The following ARIH1 variants were observed in gnomAD, a reference collection of about 807,000 sequenced individuals.
ARIH1 encodes the protein E3 ubiquitin-protein ligase ARIH1.
A neutral mutation model predicts 85.0 loss-of-function variants in ARIH1; 8 were observed. The observed-to-expected ratio is 0.09, with a 90% CI of 0.06 to 0.17. The LOEUF (loss-of-function observed/expected upper bound fraction) is 0.17, where lower values mean the gene tolerates loss of function less well. Among genes scored for constraint, ARIH1 ranks in the 10% least tolerant of loss-of-function variants. The pLI is 1.00. For synonymous variants in ARIH1, 238 were observed against 253.6 expected, an observed-to-expected ratio of 0.94 and a Z score of 0.59; for missense variants, 311 against 718.1, an observed-to-expected ratio of 0.43 and a Z score of 6.48.
intron 2 of ARIH1, among the ~76,000 whole-genome samples, chr15:72,543,288 C>A (rs529946185): frequency 3.7e-4 from 56 of 151,490 alleles, no homozygotes; most frequent in Non-Finnish European, 7.4e-4. Flanking sequence ...ACCTGGGCGG[C>A]AAAGGTTGCA....
intron 2 of ARIH1, among the ~76,000 whole-genome samples, chr15:72,534,815 C>T (rs1191868154): frequency 1.7e-4 from 26 of 152,018 alleles, no homozygotes; most frequent in Non-Finnish European, 1.5e-4. Flanking sequence ...CTCTGCTATT[C>T]AGGCCTCAAT....
chr15:72,572,729 A>G (rs1490960441), intron 11 of ARIH1, among the ~76,000 whole-genome samples: 2 of 152,232 alleles, frequency 1.3e-5, no homozygotes, highest in Non-Finnish European at 2.9e-5. Context: ...TCCTACCCCA[A>G]GAAGAACAGT....
intron 11 of ARIH1, among the ~76,000 whole-genome samples, chr15:72,579,916 T>TTG (rs1457651232): frequency 6.6e-6 from 1 of 152,232 alleles, no homozygotes; most frequent in African/African-American, 2.4e-5. Context: ...AATTGTTGTA[T>TTG]TGCCTTGCCT....
intron 11 of ARIH1, among the ~76,000 whole-genome samples, chr15:72,575,048 T>C (rs1050640019): frequency 6.6e-6 from 1 of 151,626 alleles, no homozygotes; most frequent in Non-Finnish European, 1.5e-5. Flanking sequence ...CAGTGAGCCA[T>C]GATGACGCCA....
At chr15:72,516,027 G>A (rs747925829) in intron 1 of ARIH1, among the ~76,000 whole-genome samples, 2 of 152,104 alleles carry the variant, frequency 1.3e-5, no homozygotes, top group Non-Finnish European at 2.9e-5. Flanking sequence ...ACATGGTGGT[G>A]GAAACTAGGA....
At chr15:72,521,618 G>A (rs900376519) in intron 2 of ARIH1, among the ~76,000 whole-genome samples, 1 of 151,726 alleles carries the variant, frequency 6.6e-6, no homozygotes, top group African/African-American at 2.4e-5. Flanking sequence ...GTGCCATCTC[G>A]GCTCACTGCA....
chr15:72,483,517 G>C (rs562038952), intron 1 of ARIH1, among the ~76,000 whole-genome samples: 1 of 152,322 alleles, frequency 6.6e-6, no homozygotes, highest in South Asian at 2.1e-4. Context: ...AGGGGTCTTT[G>C]GGGGCTATCT....
chr15:72,507,195 G>A (rs898863149), intron 1 of ARIH1, among the ~76,000 whole-genome samples: 2 of 151,926 alleles, frequency 1.3e-5, no homozygotes, highest in Non-Finnish European at 2.9e-5. Flanking sequence ...GCTAATATTT[G>A]TATATTTTTG....
chr15:72,523,022 C>G (rs2064007508), intron 2 of ARIH1, among the ~76,000 whole-genome samples: 1 of 152,190 alleles, frequency 6.6e-6, no homozygotes, highest in Non-Finnish European at 1.5e-5. Context: ...GCGGTAGGAA[C>G]TCTCATCATT....
At chr15:72,498,961 A>ATTTTTTTTTTTTTTTTTTTTTT (rs535261674) in intron 1 of ARIH1, among the ~76,000 whole-genome samples, 1 of 88,450 alleles carries the variant, frequency 1.1e-5, no homozygotes, top group African/African-American at 4.7e-5. Context: ...CTTTTCATAA[A>ATTTTTTTTTTTTTTTTTTTTTT]TTTTTTTTTT....
chr15:72,476,313 C>T (rs547469445), intron 1 of ARIH1, among the ~76,000 whole-genome samples: 5 of 152,150 alleles, frequency 3.3e-5, no homozygotes, highest in Non-Finnish European at 7.4e-5. Flanking sequence ...TGGAAGTCTT[C>T]ATTTTTAATC....
chr15:72,479,032 G>A (rs1250808840), intron 1 of ARIH1, among the ~76,000 whole-genome samples: 1 of 152,026 alleles, frequency 6.6e-6, no homozygotes, highest in East Asian at 1.9e-4. Context: ...AGAGACACAG[G>A]GTCTTGCTCT....
chr15:72,574,892 A>AG (rs1249527043), intron 11 of ARIH1, among the ~76,000 whole-genome samples: 1 of 134,944 alleles, frequency 7.4e-6, no homozygotes, highest in African/African-American at 2.5e-5. Flanking sequence ...CAACATAGTA[A>AG]GACCCCCCCG....
At chr15:72,553,954 G>T (rs532722747) in intron 3 of ARIH1, among the ~76,000 whole-genome samples, 1 of 152,134 alleles carries the variant, frequency 6.6e-6, no homozygotes, top group East Asian at 1.9e-4. Flanking sequence ...TTTATGACTG[G>T]CTTATTTTCA....
intron 1 of ARIH1, among the ~76,000 whole-genome samples, chr15:72,512,589 T>A (rs1017797930): frequency 6.6e-6 from 1 of 151,088 alleles, no homozygotes; most frequent in African/African-American, 2.4e-5. Flanking sequence ...TTGCTTTGGG[T>A]TTTTCTTTTT....
chr15:72,563,917 C>T (rs999027525), intron 7 of ARIH1, among the ~76,000 whole-genome samples: 2 of 152,098 alleles, frequency 1.3e-5, no homozygotes, highest in African/African-American at 4.8e-5. Context: ...CCTGTGGCTC[C>T]TCTCGCCCAG....
chr15:72,552,940 A>T (rs2064159215), intron 3 of ARIH1, among the ~76,000 whole-genome samples: 1 of 151,786 alleles, frequency 6.6e-6, no homozygotes, highest in Non-Finnish European at 1.5e-5. Flanking sequence ...ACACCTGCCT[A>T]ATTTTTGTAT....
intron 2 of ARIH1, among the ~76,000 whole-genome samples, chr15:72,537,069 T>C (rs903632924): frequency 1.3e-5 from 2 of 152,016 alleles, no homozygotes; most frequent in African/African-American, 4.8e-5. Flanking sequence ...AGCAAGCTGT[T>C]ACAGATTTGT....
At chr15:72,553,709 G>A (rs2064162479) in intron 3 of ARIH1, among the ~76,000 whole-genome samples, 1 of 152,234 alleles carries the variant, frequency 6.6e-6, no homozygotes, top group South Asian at 2.1e-4. Flanking sequence ...CACGAGGTCA[G>A]GAGTTGGAGG....
Sources: gnomAD v4.1 joint callset for allele counts (sites outside exome capture counted in the v4.1 genomes callset) on GRCh38, gnomAD v4.1.1 for gene constraint, MANE v1.5 for transcripts, NCBI Gene and HGNC (gene_info 2026-07-23, HGNC 2026-07-21) for gene names.